The following WAPL variants were observed in gnomAD, a reference collection of about 807,000 sequenced individuals.
WAPL encodes WAPL cohesin release factor.
A neutral mutation model predicts 121.0 loss-of-function variants in WAPL; 5 were observed. That is an observed-to-expected ratio of 0.04 (90% confidence interval 0.02 to 0.09). The LOEUF is 0.09. WAPL is among the 10% of genes least tolerant of loss of function. The pLI is 1.00. For missense variants in WAPL, 999 were observed against 1,410.8 expected (o/e 0.71, Z 4.68); for synonymous variants, 480 against 481.5 (o/e 1.00, Z 0.04).
intron 2 of WAPL, among the ~76,000 whole-genome samples, chr10:86,504,868 ACT>A (rs1162967929): frequency 1.3e-5 from 2 of 152,122 alleles, no homozygotes; most frequent in Non-Finnish European, 2.9e-5. Flanking sequence ...ATGCCAAAGA[ACT>A]TTTTTGTCCA....
At chr10:86,492,085 T>C (rs1050872922) in intron 4 of WAPL, among the ~76,000 whole-genome samples, 1 of 152,264 alleles carries the variant, frequency 6.6e-6, no homozygotes, top group Non-Finnish European at 1.5e-5. Flanking sequence ...CTATTTTTAA[T>C]TTGACACGTT....
chr10:86,441,800 G>A (rs781774294), intron 17 of WAPL, among the ~76,000 whole-genome samples: 13 of 152,016 alleles, frequency 8.6e-5, no homozygotes, highest in Non-Finnish European at 1.8e-4. Flanking sequence ...CCAGGAGTTC[G>A]AGACCGGCCA....
Position 86,459,074 on chromosome 10 carries a change from G to T in WAPL, c.2581-9C>A. The T allele has an allele frequency of 6.3e-7, 1 of 1,596,956 alleles. No homozygotes were observed. On this transcript the variant is annotated splice_polypyrimidine_tract_variant and intron_variant, in intron 11 of 18. Coordinates refer to ENST00000298767, the MANE Select transcript of WAPL (RefSeq NM_015045.5). ...GGATTATGCACAGTTACCTAAAAAGGAAGAATATGAAATAATTGTGGCAAT... is the reference window on the plus strand; with the variant it reads ...GGATTATGCACAGTTACCTAAAAAGTAAGAATATGAAATAATTGTGGCAAT...
intron 2 of WAPL, among the ~76,000 whole-genome samples, chr10:86,502,202 A>G (rs946568607): frequency 1.1e-4 from 16 of 152,190 alleles, no homozygotes; most frequent in African/African-American, 3.6e-4. Context: ...TAAACAATAT[A>G]CCAATTAATA....
Position 86,483,794 on chromosome 10 carries a change from C to CTTT in WAPL, c.1645-9824_1645-9822dup, listed in dbSNP as rs35725128. Among the ~76,000 whole-genome samples, 80 of 69,214 alleles carry CTTT rather than the reference C, an allele frequency of 1.2e-3. 1 individual carries two copies. The highest frequency in any genetic ancestry group is 3.6e-3 in the African/African-American group (62 of 17,296). 45.4% of individuals were successfully genotyped at this position (69,214 alleles called of 152,430 possible). ...CAAAAAAAAAAAAAAATTTTTTTTT[C>CTTT]TTTTTTTTTTTTTTTTTTTTTTGGC... On this transcript the variant is annotated intron_variant, in intron 4 of 18. Transcript: ENST00000298767.
intron 14 of WAPL, among the ~76,000 whole-genome samples, chr10:86,452,750 G>A (rs1276532021): frequency 1.3e-5 from 2 of 151,332 alleles, no homozygotes; most frequent in African/African-American, 2.4e-5. Flanking sequence ...ACAATAAGAA[G>A]TACGTTCAGC....
chr10:86,462,901 C>A (rs1025956124), intron 9 of WAPL, among the ~76,000 whole-genome samples: 7 of 152,098 alleles, frequency 4.6e-5, no homozygotes, highest in African/African-American at 1.7e-4. Context: ...CCTAATGAGG[C>A]ATTCTTTGTT....
At chr10:86,514,516 T>C (rs749200877) in intron 2 of WAPL, among the ~76,000 whole-genome samples, 1 of 152,228 alleles carries the variant, frequency 6.6e-6, no homozygotes, top group Non-Finnish European at 1.5e-5. Context: ...ATGGACAAGA[T>C]GTTCCTGAAC....
At chr10:86,447,687 TAA>T (rs1849658647) in intron 15 of WAPL, among the ~76,000 whole-genome samples, 1 of 152,164 alleles carries the variant, frequency 6.6e-6, no homozygotes, top group Non-Finnish European at 1.5e-5. Context: ...ATATCAACTT[TAA>T]ATACAGTACA....
At chr10:86,469,656 T>C (rs1841489874) in intron 8 of WAPL, among the ~76,000 whole-genome samples, 1 of 152,182 alleles carries the variant, frequency 6.6e-6, no homozygotes, top group South Asian at 2.1e-4. Context: ...ACACTTGAGA[T>C]ATTCTGTACT....
At chr10:86,460,649 T>C (rs1171553006) in intron 10 of WAPL, among the ~76,000 whole-genome samples, 153 bp from the exon 11 acceptor site, 1 of 152,198 alleles carries the variant, frequency 6.6e-6, no homozygotes, top group Non-Finnish European at 1.5e-5. Context: ...TACTGTGAGA[T>C]TTTGAAATGC....
rs1849337805 is a variant in WAPL at position 86,436,928 on chromosome 10, A to T, written c.*615T>A. 6.6e-6 allele frequency: 1 copy of T among 152,622 alleles called. No homozygotes were observed. The highest frequency in any genetic ancestry group is 1.5e-5 in the Non-Finnish European group (1 of 68,046). 9.5% of individuals were successfully genotyped at this position (152,622 alleles called of 1,614,324 possible). On this transcript the variant is annotated 3_prime_UTR_variant, in exon 19 of 19. Transcript: ENST00000298767. ...ACCCAAACCTAATCAAGAATAAAAA[A>T]ATATACTATTAATCCCGTGTATCTT...
chr10:86,511,710 G>A (rs1842466527), intron 2 of WAPL, among the ~76,000 whole-genome samples: 2 of 152,174 alleles, frequency 1.3e-5, no homozygotes, highest in Non-Finnish European at 2.9e-5. Flanking sequence ...GAGGCAGGAG[G>A]ACTACTCAAG....
chr10:86,517,656 G>A lies in WAPL; in HGVS notation c.414C>T (p.Asp138=), dbSNP rs752876926. The change falls in exon 2 of 19, where the codon GAC becomes GAT. Residue 138 remains aspartate, a synonymous_variant. Transcript: ENST00000298767. ...TGCTCTTTTCTTTCCCAAGTAAAGT[G>A]TCCTCCAAAGGGAAGCATTTATCAG... The part of the protein sequence containing the change: ...VVSDKCFPLE[D]TLLGKEKSTN... The A allele has an allele frequency of 6.2e-7, 1 of 1,614,060 alleles. No homozygotes were observed. Among genetic ancestry groups the A allele is most frequent in the Admixed American group, 1.7e-5 (1 of 60,020 alleles).
chr10:86,445,552 C>A (rs541903867), intron 16 of WAPL, among the ~76,000 whole-genome samples: 12 of 151,464 alleles, frequency 7.9e-5, no homozygotes, highest in Non-Finnish European at 1.3e-4. Flanking sequence ...TGAGAAAGGG[C>A]CTCACTCTGT....
At chr10:86,483,211 G>A (rs536693207) in intron 4 of WAPL, among the ~76,000 whole-genome samples, 5 of 152,002 alleles carry the variant, frequency 3.3e-5, no homozygotes, top group East Asian at 1.9e-4. Flanking sequence ...ACCCGAGGTC[G>A]GGAGTTTGAG....
At chr10:86,510,759 T>A (rs1045049360) in intron 2 of WAPL, among the ~76,000 whole-genome samples, 7 of 152,328 alleles carry the variant, frequency 4.6e-5, no homozygotes, top group African/African-American at 1.7e-4. Flanking sequence ...CATATGAAAA[T>A]AAGTAGTAGA....
At position 86,493,014 on chromosome 10, in the gene WAPL, T is replaced by C. The variant is rs190124129; in HGVS notation, c.1644+4187A>G. Reference sequence around the variant, plus strand: ...AGGCGGAGCTTGCAGTGAGCAGAGATGGCACCACTGCACTCGAGCCTGGGT... The same window carrying C: ...AGGCGGAGCTTGCAGTGAGCAGAGACGGCACCACTGCACTCGAGCCTGGGT... On this transcript the variant is annotated intron_variant, in intron 4 of 18. Transcript: ENST00000298767. Among the ~76,000 whole-genome samples the C allele has an allele frequency of 2.4e-3, 353 of 147,978 alleles. 3 individuals are homozygous for C. The highest frequency in any genetic ancestry group is 8.1e-3 in the African/African-American group (321 of 39,768).
chr10:86,492,324 C>A (rs764263353), intron 4 of WAPL, among the ~76,000 whole-genome samples: 1 of 152,018 alleles, frequency 6.6e-6, no homozygotes, highest in South Asian at 2.1e-4. Context: ...TTCTGTAACT[C>A]GAGCAATAAA....
Sources: gnomAD v4.1 joint callset for allele counts (sites outside exome capture counted in the v4.1 genomes callset) on GRCh38, gnomAD v4.1.1 for gene constraint, MANE v1.5 for transcripts, NCBI Gene and HGNC (gene_info 2026-07-23, HGNC 2026-07-21) for gene names.